The following CYP2B6 variants were observed in gnomAD, a reference collection of about 807,000 sequenced individuals.
CYP2B6 encodes the protein cytochrome P450 family 2 subfamily B member 6, also known as cytochrome P450 2B6.
Under a neutral mutation model 43.4 loss-of-function variants are expected in CYP2B6, and 35 were observed. The ratio of observed to expected loss-of-function variants is 0.81; its 90% CI spans 0.62 to 1.07. The LOEUF (loss-of-function observed/expected upper bound fraction) is 1.07. Among genes scored for constraint, CYP2B6 ranks in the 50% least tolerant of loss-of-function variants. The pLI is 0.00. For missense variants in CYP2B6, 624 were observed against 632.8 expected, an observed-to-expected ratio of 0.99 and a Z score of 0.15; for synonymous variants, 239 against 239.2, an observed-to-expected ratio of 1.00 and a Z score of 0.01.
rs144760726 is a variant in CYP2B6 at position 41,004,116 on chromosome 19, C to G, written c.287C>G (p.Ser96Cys). ...CTTGTGGACAAGGCTGAGGCCTTCT[C>G]TGGCCGGGGAAAAATCGCCATGGTC... is the stretch of plus-strand genomic sequence containing the variant. ...EALVDKAEAFSGRGKIAMVDP... is the reference protein window; with the variant it reads ...EALVDKAEAFCGRGKIAMVDP... Residue 96 changes from serine (S) to cysteine (C), a missense_variant, in exon 2 of 9, where the codon TCT becomes TGT. Physicochemically the swap from Ser to Cys is moderately radical, Grantham distance 112 (BLOSUM62 -1). Transcript: ENST00000324071. 1.8e-5 allele frequency: 26 copies of G among 1,441,462 alleles called. 1 individual carries two copies. The African/African-American group carries it at 3.6e-4, about 20-fold the overall frequency. The allele number at this position is 1,441,462 out of a possible 1,614,324, so 89.3% of individuals were successfully genotyped here.
intron 8 of CYP2B6, 144 bp downstream of exon 8, chr19:41,012,959 T>C: frequency 1.0e-6 from 1 of 966,322 alleles, no homozygotes; most frequent in Non-Finnish European, 1.7e-6. Flanking sequence ...CCATCTTCAC[T>C]ACAACCCTAT....
intron 4 of CYP2B6, 29 bp downstream of exon 4, chr19:41,007,094 G>A: frequency 4.3e-6 from 7 of 1,613,150 alleles, no homozygotes; most frequent in Non-Finnish European, 5.9e-6. Context: ...GACAGGGGGT[G>A]TGGGGGTGAG....
intron 4 of CYP2B6, among the ~76,000 whole-genome samples, chr19:41,008,556 G>T (rs1241842623): frequency 5.4e-5 from 8 of 148,336 alleles, no homozygotes; most frequent in Non-Finnish European, 8.9e-5. Context: ...TGGGGCCCAA[G>T]GTGAGTACTT....
chr19:41,011,081 G>T (rs181535627), intron 6 of CYP2B6, among the ~76,000 whole-genome samples: 1 of 152,110 alleles, frequency 6.6e-6, no homozygotes, highest in South Asian at 2.1e-4. Context: ...TGAAACAGTG[G>T]TATGTTGATG....
At chr19:41,003,421 A>G (rs1337612709) in intron 1 of CYP2B6, among the ~76,000 whole-genome samples, 2 of 152,128 alleles carry the variant, frequency 1.3e-5, no homozygotes, top group East Asian at 1.9e-4. Context: ...ACTCAGAATG[A>G]TGCACAACTT....
chr19:41,013,155 C>G (rs1399529494), intron 8 of CYP2B6: 2 of 293,978 alleles, frequency 6.8e-6, no homozygotes, highest in African/African-American at 2.2e-5. Flanking sequence ...ACAAGTCACA[C>G]AGAGACAGGG....
At chr19:41,006,154 T>C (rs1375660228) in intron 3 of CYP2B6, among the ~76,000 whole-genome samples, 2 of 151,974 alleles carry the variant, frequency 1.3e-5, no homozygotes, top group Admixed American at 1.3e-4. Context: ...AAGATGGTTT[T>C]TTATTTGTTT....
intron 6 of CYP2B6, among the ~76,000 whole-genome samples, chr19:41,010,589 G>C (rs35999356): frequency 6.6e-6 from 1 of 151,414 alleles, no homozygotes; most frequent in South Asian, 2.1e-4. Flanking sequence ...AATTTTTTGT[G>C]TTTTTAGTAG....
chr19:41,004,030 G>C lies in CYP2B6; in HGVS notation c.201G>C (p.Thr67=). 3 of 1,613,572 alleles carry C rather than the reference G, an allele frequency of 1.9e-6. No individual in the cohort carries two copies. The South Asian group carries it at 3.3e-5, about 18-fold the overall frequency. The part of the protein sequence containing the change: ...RFREKYGDVF[T]VHLGPRPVVM... ...GAGAGAAATATGGGGACGTCTTCAC[G>C]GTACACCTGGGACCGAGGCCCGTGG... is the stretch of plus-strand genomic sequence containing the variant. Residue 67 remains threonine (T), a synonymous_variant, in exon 2 of 9, where the codon ACG becomes ACC. Transcript: ENST00000324071.
At chr19:40,991,957 C>T (rs1968925429) in intron 1 of CYP2B6, among the ~76,000 whole-genome samples, 1 of 152,028 alleles carries the variant, frequency 6.6e-6, no homozygotes, top group Non-Finnish European at 1.5e-5. Flanking sequence ...AATCCCAGTG[C>T]TTTTGGAGGC....
chr19:41,003,809 C>A, intron 1 of CYP2B6, 192 bp from the exon 2 acceptor site: 1 of 741,816 alleles, frequency 1.3e-6, no homozygotes, highest in South Asian at 1.5e-5. Context: ...GAACCCATGA[C>A]TGTATTCTCT....
chr19:40,996,574 A>C (rs1969002968), intron 1 of CYP2B6, among the ~76,000 whole-genome samples: 1 of 152,178 alleles, frequency 6.6e-6, no homozygotes, highest in Admixed American at 6.5e-5. Context: ...TCTTACTAGA[A>C]TTATGGATTT....
intron 1 of CYP2B6, among the ~76,000 whole-genome samples, chr19:40,996,347 C>T (rs1402405195): frequency 1.3e-5 from 2 of 152,084 alleles, no homozygotes; most frequent in African/African-American, 4.8e-5. Context: ...AAACAAGTAC[C>T]TCTGTCACTG....
chr19:41,012,108 C>A (rs549946333), intron 6 of CYP2B6, among the ~76,000 whole-genome samples, 190 bp from the exon 7 acceptor site: 2 of 152,142 alleles, frequency 1.3e-5, no homozygotes, highest in South Asian at 4.1e-4. Flanking sequence ...ACCAGCACAC[C>A]CAGCTAATTT....
At chr19:40,994,568 C>T (rs946599756) in intron 1 of CYP2B6, among the ~76,000 whole-genome samples, 6 of 152,046 alleles carry the variant, frequency 3.9e-5, no homozygotes, top group African/African-American at 9.7e-5. Context: ...CTCAAGCAAT[C>T]CTCCCATCTC....
intron 1 of CYP2B6, 112 bp downstream of exon 1, chr19:40,991,588 A>G (rs1968921236): frequency 4.4e-6 from 5 of 1,143,438 alleles, no homozygotes; most frequent in Non-Finnish European, 6.6e-6. Context: ...TGGCACGGGC[A>G]TGGTTGGTGA....
At chr19:40,997,662 A>G (rs1009041581) in intron 1 of CYP2B6, among the ~76,000 whole-genome samples, 19 of 152,184 alleles carry the variant, frequency 1.2e-4, no homozygotes, top group African/African-American at 4.6e-4. Context: ...TCAGTTAGAC[A>G]CTGTCACTTT....
intron 1 of CYP2B6, among the ~76,000 whole-genome samples, chr19:40,993,202 G>A (rs1157679043): frequency 6.6e-6 from 1 of 152,054 alleles, no homozygotes; most frequent in African/African-American, 2.4e-5. Context: ...GTATCCTGGA[G>A]ACCCACTAGA....
intron 1 of CYP2B6, among the ~76,000 whole-genome samples, chr19:40,997,809 G>A (rs1238160712): frequency 4.6e-5 from 7 of 151,954 alleles, no homozygotes; most frequent in Admixed American, 1.3e-4. Context: ...CGACACCACT[G>A]GGCAACACTC....
Sources: allele counts gnomAD v4.1 joint callset (sites outside exome capture counted in the v4.1 genomes callset), GRCh38; gene constraint gnomAD v4.1.1; transcripts MANE v1.5; gene names NCBI Gene and HGNC (gene_info 2026-07-23, HGNC 2026-07-21).